The following CADM1 variants were observed in gnomAD, a reference collection of about 807,000 sequenced individuals.
CADM1 encodes TSLC-1.
A neutral mutation model predicts 53.1 loss-of-function variants in CADM1; 15 were observed. The ratio of observed to expected loss-of-function variants is 0.28; its 90% CI spans 0.19 to 0.44. CADM1 has a LOEUF of 0.44. CADM1 is among the 20% of genes least tolerant of loss of function. The pLI is 1.00. For missense variants in CADM1, 434 were observed against 611.3 expected, an observed-to-expected ratio of 0.71 and a Z score of 3.06; for synonymous variants, 281 against 243.0, an observed-to-expected ratio of 1.16 and a Z score of -1.45.
chr11:115,210,463 G>C (rs962812462), intron 7 of CADM1, among the ~76,000 whole-genome samples: 2 of 152,052 alleles, frequency 1.3e-5, no homozygotes. Flanking sequence ...TTGATATACT[G>C]TATATTCTTC....
chr11:115,177,626 T>G (rs2134578324), intron 11 of CADM1, among the ~76,000 whole-genome samples: 1 of 152,138 alleles, frequency 6.6e-6, no homozygotes, highest in South Asian at 2.1e-4. Context: ...CCTTCACAGC[T>G]GCTGCTCGGA....
intron 1 of CADM1, among the ~76,000 whole-genome samples, chr11:115,382,081 G>A (rs1489723427): frequency 6.6e-6 from 1 of 152,108 alleles, no homozygotes; most frequent in Non-Finnish European, 1.5e-5. Flanking sequence ...CTGACCTCAA[G>A]TGATCCACCC....
intron 1 of CADM1, among the ~76,000 whole-genome samples, chr11:115,501,103 G>A (rs1006873280): frequency 7.9e-5 from 12 of 152,016 alleles, no homozygotes; most frequent in Admixed American, 2.0e-4. Flanking sequence ...TTGCTCAATG[G>A]GTCTCTTGTT....
At chr11:115,406,494 C>T (rs1947315656) in intron 1 of CADM1, among the ~76,000 whole-genome samples, 1 of 147,716 alleles carries the variant, frequency 6.8e-6, no homozygotes, top group African/African-American at 2.5e-5. Flanking sequence ...ATCTGCATTA[C>T]AAAATATTTA....
intron 7 of CADM1, among the ~76,000 whole-genome samples, chr11:115,213,542 T>C (rs1314855730): frequency 6.6e-6 from 1 of 152,192 alleles, no homozygotes; most frequent in African/African-American, 2.4e-5. Context: ...CATGCAGATA[T>C]GGTGTAAAGC....
intron 1 of CADM1, among the ~76,000 whole-genome samples, chr11:115,281,061 G>C (rs1339420031): frequency 6.6e-6 from 1 of 152,194 alleles, no homozygotes. Context: ...TAAATGGATT[G>C]AACTCCCGGT....
At chr11:115,504,231 T>G (rs951069911) in intron 1 of CADM1, 40 bp downstream of exon 1, 1 of 1,560,928 alleles carries the variant, frequency 6.4e-7, no homozygotes, top group Admixed American at 1.9e-5. Flanking sequence ...TGGGGTGCCT[T>G]CGGAGATTTA....
intron 1 of CADM1, among the ~76,000 whole-genome samples, chr11:115,450,074 C>G: frequency 6.6e-6 from 1 of 152,008 alleles, no homozygotes; most frequent in Admixed American, 6.6e-5. Flanking sequence ...GCTGCTTTCA[C>G]CCCTCCCTAT....
chr11:115,353,885 G>A (rs981550111), intron 1 of CADM1, among the ~76,000 whole-genome samples: 1 of 152,134 alleles, frequency 6.6e-6, no homozygotes, highest in Non-Finnish European at 1.5e-5. Flanking sequence ...TATTCAATTT[G>A]TAAGGATTGT....
chr11:115,406,973 GT>G, intron 1 of CADM1, among the ~76,000 whole-genome samples: 1 of 151,278 alleles, frequency 6.6e-6, no homozygotes, highest in African/African-American at 2.4e-5. Context: ...AAGAAAAAAA[GT>G]GATATATAGT....
intron 6 of CADM1, 37 bp from the exon 7 acceptor site, chr11:115,214,817 C>A: frequency 5.0e-6 from 8 of 1,600,968 alleles, no homozygotes; most frequent in Non-Finnish European, 6.8e-6. Flanking sequence ...GTCACATTAT[C>A]ATTCCCCATT....
intron 1 of CADM1, among the ~76,000 whole-genome samples, chr11:115,357,034 T>C (rs929697833): frequency 6.6e-6 from 1 of 152,196 alleles, no homozygotes; most frequent in Admixed American, 6.5e-5. Context: ...TCAACTGTCT[T>C]TTAGAGGAAT....
At chr11:115,371,122 C>T (rs1296977768) in intron 1 of CADM1, among the ~76,000 whole-genome samples, 1 of 151,718 alleles carries the variant, frequency 6.6e-6, no homozygotes, top group Non-Finnish European at 1.5e-5. Flanking sequence ...AAAAAGTGCA[C>T]CAAAAAATGC....
At chr11:115,419,313 G>A (rs1947694833) in intron 1 of CADM1, among the ~76,000 whole-genome samples, 1 of 152,096 alleles carries the variant, frequency 6.6e-6, no homozygotes, top group Non-Finnish European at 1.5e-5. Context: ...TCACAACAGT[G>A]TTCAATCCAT....
chr11:115,380,544 T>C (rs1350946273), intron 1 of CADM1, among the ~76,000 whole-genome samples: 2 of 152,272 alleles, frequency 1.3e-5, no homozygotes, highest in Admixed American at 1.3e-4. Flanking sequence ...CAAACAATAT[T>C]TTTACAACTT....
chr11:115,210,016 G>A (rs369214995), intron 7 of CADM1, among the ~76,000 whole-genome samples: 28 of 152,304 alleles, frequency 1.8e-4, no homozygotes, highest in East Asian at 9.6e-4. Context: ...TTTCGTTTCA[G>A]CTTTTACAGA....
chr11:115,276,938 C>T (rs1943461572), intron 1 of CADM1, among the ~76,000 whole-genome samples: 1 of 152,096 alleles, frequency 6.6e-6, no homozygotes, highest in South Asian at 2.1e-4. Flanking sequence ...TCTGCAGAAG[C>T]GGAAAAAGAA....
intron 1 of CADM1, among the ~76,000 whole-genome samples, chr11:115,334,444 A>AAATTGATGAGTACTGTACTCATC (rs1945211356): frequency 4.0e-5 from 6 of 151,884 alleles, no homozygotes; most frequent in African/African-American, 1.5e-4. Context: ...GGGGGTCTAA[A>AAATTGATGAGTACTGTACTCATC]AATTGATGAG....
chr11:115,395,760 G>GA (rs948099633), intron 1 of CADM1, among the ~76,000 whole-genome samples: 7 of 151,932 alleles, frequency 4.6e-5, no homozygotes, highest in African/African-American at 1.7e-4. Flanking sequence ...AAGAGGGCAA[G>GA]AAAAAAATCC....
Sources: gnomAD v4.1 joint callset for allele counts (sites outside exome capture counted in the v4.1 genomes callset) on GRCh38, gnomAD v4.1.1 for gene constraint, MANE v1.5 for transcripts, NCBI Gene and HGNC (gene_info 2026-07-23, HGNC 2026-07-21) for gene names.